The following ABCA13 variants were observed in gnomAD, a reference collection of about 807,000 sequenced individuals.
ABCA13 encodes the protein ATP binding cassette subfamily A member 13, also known as ATP-binding cassette sub-family A member 13.
ABCA13 carries 476 observed loss-of-function variants against 478.7 expected under a neutral mutation model. The ratio of observed to expected loss-of-function variants is 0.99; its 90% CI spans 0.92 to 1.07. The LOEUF is 1.07. Among genes scored for constraint, ABCA13 ranks in the 50% least tolerant of loss-of-function variants. The pLI is 0.00. For missense variants in ABCA13, 6,060 were observed against 5,910.6 expected, an observed-to-expected ratio of 1.03 and a Z score of -0.83; for synonymous variants, 2,252 against 2,158.9, an observed-to-expected ratio of 1.04 and a Z score of -1.20.
intron 55 of ABCA13, among the ~76,000 whole-genome samples, chr7:48,546,830 C>T (rs910050709): frequency 5.3e-5 from 8 of 151,630 alleles, no homozygotes; most frequent in African/African-American, 1.9e-4. Context: ...TACAAAAAGA[C>T]ATGGAACTCA....
At chr7:48,311,496 G>A (rs966342531) in intron 24 of ABCA13, among the ~76,000 whole-genome samples, 1 of 152,222 alleles carries the variant, frequency 6.6e-6, no homozygotes, top group East Asian at 1.9e-4. Flanking sequence ...AGCTCCCATT[G>A]GCACGATGCT....
intron 42 of ABCA13, among the ~76,000 whole-genome samples, chr7:48,433,856 C>A (rs1822474946): frequency 6.6e-6 from 1 of 151,978 alleles, no homozygotes; most frequent in Non-Finnish European, 1.5e-5. Context: ...GAAATTCATT[C>A]TTTTATAAGG....
intron 55 of ABCA13, among the ~76,000 whole-genome samples, chr7:48,548,975 G>A (rs1785069039): frequency 6.6e-6 from 1 of 151,584 alleles, no homozygotes; most frequent in African/African-American, 2.4e-5. Flanking sequence ...AAATAGAGAT[G>A]GGTGGTGGTT....
At chr7:48,280,271 G>T (rs371435894) in intron 18 of ABCA13, among the ~76,000 whole-genome samples, 2 of 152,178 alleles carry the variant, frequency 1.3e-5, no homozygotes, top group Non-Finnish European at 1.5e-5. Context: ...CTATGACTCA[G>T]TATACACACA....
chr7:48,298,801 G>T (rs549675121), intron 23 of ABCA13, among the ~76,000 whole-genome samples: 1 of 152,250 alleles, frequency 6.6e-6, no homozygotes, highest in African/African-American at 2.4e-5. Context: ...CCTGGGAAGG[G>T]TCTCGGCTTG....
chr7:48,178,332 T>G (rs1795160899), intron 1 of ABCA13, among the ~76,000 whole-genome samples: 1 of 152,232 alleles, frequency 6.6e-6, no homozygotes, highest in African/African-American at 2.4e-5. Flanking sequence ...AGAGTCTGGC[T>G]GTGCGGTGAG....
intron 50 of ABCA13, among the ~76,000 whole-genome samples, chr7:48,508,530 G>A (rs1831409541): frequency 6.6e-6 from 1 of 152,048 alleles, no homozygotes; most frequent in South Asian, 2.1e-4. Context: ...TGCCATCCTG[G>A]GGGACAATAA....
At chr7:48,512,982 T>C (rs1831821536) in intron 51 of ABCA13, among the ~76,000 whole-genome samples, 1 of 152,064 alleles carries the variant, frequency 6.6e-6, no homozygotes, top group South Asian at 2.1e-4. Flanking sequence ...GTGACATCCA[T>C]GGGAATGCAG....
chr7:48,388,550 A>G (rs1266251689), intron 36 of ABCA13, among the ~76,000 whole-genome samples: 1 of 152,210 alleles, frequency 6.6e-6, no homozygotes, highest in Non-Finnish European at 1.5e-5. Context: ...ATGGAAATAG[A>G]GATGCATCAC....
At chr7:48,376,006 T>A (rs1438149622) in intron 34 of ABCA13, among the ~76,000 whole-genome samples, 1 of 152,092 alleles carries the variant, frequency 6.6e-6, no homozygotes, top group Non-Finnish European at 1.5e-5. Flanking sequence ...TGTAAAAAAA[T>A]AATAATAATT....
intron 55 of ABCA13, among the ~76,000 whole-genome samples, chr7:48,541,933 C>T (rs1833970887): frequency 1.3e-5 from 2 of 150,394 alleles, no homozygotes; most frequent in South Asian, 4.2e-4. Context: ...CACAACACAC[C>T]ATTACAGTGA....
At chr7:48,451,910 A>AT (rs1415316970) in intron 42 of ABCA13, among the ~76,000 whole-genome samples, 6 of 152,246 alleles carry the variant, frequency 3.9e-5, no homozygotes, top group African/African-American at 1.2e-4. Context: ...GAGTCCTTGA[A>AT]TATAATTGCA....
intron 17 of ABCA13, among the ~76,000 whole-genome samples, chr7:48,277,104 A>G (rs1796400620): frequency 6.6e-6 from 1 of 152,222 alleles, no homozygotes; most frequent in African/African-American, 2.4e-5. Flanking sequence ...TGTCTGCTTT[A>G]GTCAAGTTTC....
Position 48,249,222 on chromosome 7 carries a change from AC to A in ABCA13, c.1877del (p.Thr626AsnfsTer32). The A allele has an allele frequency of 6.2e-7, 1 of 1,610,914 alleles. No individual in the cohort carries two copies. The highest frequency in any genetic ancestry group is 8.5e-7 in the Non-Finnish European group (1 of 1,178,074). On this transcript the variant is annotated frameshift_variant, in exon 15 of 62. Coordinates refer to ENST00000435803, the MANE Select transcript of ABCA13 (RefSeq NM_152701.5). LOFTEE classifies it high-confidence loss of function. ...HQLVSTVIFH[T>X]LEKTQFFLEQ... ...TCTTTTTGATTGCAGGATATTTCATACACTTGAAAAAACACAATTTTTCCTG... is the reference window on the plus strand; with the variant it reads ...TCTTTTTGATTGCAGGATATTTCATAACTTGAAAAAACACAATTTTTCCTG...
intron 34 of ABCA13, among the ~76,000 whole-genome samples, chr7:48,375,926 T>C (rs534705568): frequency 3.2e-4 from 49 of 152,282 alleles, no homozygotes; most frequent in Admixed American, 8.5e-4. Flanking sequence ...CCTGGTACCA[T>C]AGGGAAATTT....
At chr7:48,583,166 A>G (rs1788862838) in intron 56 of ABCA13, among the ~76,000 whole-genome samples, 1 of 152,184 alleles carries the variant, frequency 6.6e-6, no homozygotes, top group Non-Finnish European at 1.5e-5. Flanking sequence ...CATTCCTACC[A>G]GGGACTGTCC....
At chr7:48,212,979 A>G (rs1584229642) in intron 3 of ABCA13, among the ~76,000 whole-genome samples, 1 of 152,220 alleles carries the variant, frequency 6.6e-6, no homozygotes, top group East Asian at 1.9e-4. Context: ...TTTTTCTTTA[A>G]CAAAGAAATA....
At chr7:48,479,049 G>A (rs1311804796) in intron 45 of ABCA13, among the ~76,000 whole-genome samples, 1 of 149,798 alleles carries the variant, frequency 6.7e-6, no homozygotes, top group Admixed American at 6.7e-5. Context: ...CTGGGTTCAC[G>A]CCATTCTCCT....
At position 48,314,285 on chromosome 7, in the gene ABCA13, G is replaced by C; in HGVS notation, c.9735G>C (p.Val3245=). The part of the protein sequence containing the change: ...RSSAFGSFQF[V]MKMVCKDQAS... ...CAGCTTTTGGTTCTTTCCAGTTTGT[G>C]ATGAAGATGGTTTGCAAGGACCAAG... Residue 3245 remains valine (V), a synonymous_variant, in exon 26 of 62, where the codon GTG becomes GTC. Coordinates refer to ENST00000435803, the MANE Select transcript of ABCA13 (RefSeq NM_152701.5). 4 of 1,613,672 alleles carry C rather than the reference G, an allele frequency of 2.5e-6. No homozygotes were observed. The highest frequency in any genetic ancestry group is 3.4e-6 in the Non-Finnish European group (4 of 1,179,820).
Sources: gnomAD v4.1 joint callset for allele counts (sites outside exome capture counted in the v4.1 genomes callset) on GRCh38, gnomAD v4.1.1 for gene constraint, MANE v1.5 for transcripts, NCBI Gene and HGNC (gene_info 2026-07-23, HGNC 2026-07-21) for gene names.